The following RNF24 variants were observed in gnomAD, a reference collection of about 807,000 sequenced individuals.
The protein encoded by RNF24 is ring finger protein 24.
Under a neutral mutation model 20.0 loss-of-function variants are expected in RNF24, and 14 were observed. That is an observed-to-expected ratio of 0.70 (90% CI 0.46 to 1.10). The LOEUF (loss-of-function observed/expected upper bound fraction) is 1.10. Ranked by LOEUF, RNF24 falls within the 50% of genes least tolerant of loss-of-function variation. RNF24 has a pLI of 0.00. For missense variants in RNF24, 124 were observed against 177.6 expected (o/e 0.70, Z 1.71); for synonymous variants, 45 against 61.1 (o/e 0.74, Z 1.23).
At chr20:3,973,880 A>T (rs940515603) in intron 1 of RNF24, among the ~76,000 whole-genome samples, 1 of 152,176 alleles carries the variant, frequency 6.6e-6, no homozygotes, top group African/African-American at 2.4e-5. Context: ...ACATTTCTCA[A>T]GGCATTTTTT....
chr20:3,981,237 T>A (rs1568647677), intron 1 of RNF24, among the ~76,000 whole-genome samples: 2 of 151,954 alleles, frequency 1.3e-5, no homozygotes, highest in South Asian at 4.2e-4. Context: ...CTGATTCAAT[T>A]TCCTGCCTGG....
At chr20:3,950,766 A>C (rs188125551) in intron 2 of RNF24, among the ~76,000 whole-genome samples, 1 of 152,250 alleles carries the variant, frequency 6.6e-6, no homozygotes, top group Non-Finnish European at 1.5e-5. Context: ...TTATACAACC[A>C]TAGTACAATT....
rs560136518 is a variant in RNF24 at position 3,933,389 on chromosome 20, T to A, written c.*674A>T. On this transcript the variant is annotated 3_prime_UTR_variant, in exon 6 of 6. Coordinates refer to ENST00000358395, the MANE Select transcript of RNF24 (RefSeq NM_001134337.3). ...TGCTGGGGCTCTGGACGGGCCTTAC[T>A]GGTGCATAGGAGAGGGAAATGATAA... 2.5e-6 allele frequency: 1 copy of A among 394,348 alleles called. No individual in the cohort carries two copies. The highest frequency in any genetic ancestry group is 1.4e-4 in the South Asian group (1 of 7,000). The allele number at this position is 394,348 out of a possible 1,614,324, so 24.4% of individuals were successfully genotyped here.
At chr20:3,945,332 C>A in intron 3 of RNF24, 114 bp from the exon 4 acceptor site, 1 of 1,014,564 alleles carries the variant, frequency 9.9e-7, no homozygotes, top group South Asian at 1.7e-5. Flanking sequence ...CCCTCATATT[C>A]AATATTGAAG....
At chr20:3,995,031 C>T (rs190567621) in intron 1 of RNF24, among the ~76,000 whole-genome samples, 3 of 152,322 alleles carry the variant, frequency 2.0e-5, no homozygotes, top group East Asian at 3.9e-4. Context: ...TAGCCAGGAA[C>T]TGAGAGCAAA....
chr20:3,938,914 A>G (rs1333242348), intron 4 of RNF24, among the ~76,000 whole-genome samples: 1 of 151,324 alleles, frequency 6.6e-6, no homozygotes, highest in Non-Finnish European at 1.5e-5. Context: ...ACACCCAACT[A>G]ATTTTTTTTT....
intron 1 of RNF24, chr20:3,974,523 A>T (rs1978687238): frequency 1.0e-6 from 1 of 976,706 alleles, no homozygotes; most frequent in Admixed American, 3.7e-5. Context: ...AATCTTCAAA[A>T]AAATTTCTAA....
chr20:4,010,113 G>A (rs1256615957), intron 1 of RNF24, among the ~76,000 whole-genome samples: 2 of 151,810 alleles, frequency 1.3e-5, no homozygotes, highest in Non-Finnish European at 2.9e-5. Flanking sequence ...GGTGGCTCAT[G>A]CCTGCAATCC....
intron 2 of RNF24, among the ~76,000 whole-genome samples, chr20:3,949,702 CAT>C (rs2091060563): frequency 6.6e-6 from 1 of 151,996 alleles, no homozygotes; most frequent in Non-Finnish European, 1.5e-5. Flanking sequence ...ATAAAGTACT[CAT>C]AACAATTTTA....
In RNF24 at chr20:3,929,446, G is replaced by C. The variant is rs138373960; in HGVS notation, c.*4617C>G. On this transcript the variant is annotated 3_prime_UTR_variant, in exon 6 of 6. Transcript: ENST00000358395. ...GGGAGTAGCTCCATGAACTGACGCT[G>C]GACATTCAGGCATATCCACATGAGA... The C allele has an allele frequency of 6.6e-6, 1 of 152,264 alleles. No homozygotes were observed. 9.4% of individuals were successfully genotyped at this position (152,264 alleles called of 1,614,324 possible).
At chr20:3,950,336 C>T (rs1013090280) in intron 2 of RNF24, among the ~76,000 whole-genome samples, 2 of 152,218 alleles carry the variant, frequency 1.3e-5, no homozygotes, top group Non-Finnish European at 2.9e-5. Context: ...AGAGGATATG[C>T]AGAGACAGAC....
chr20:3,981,035 T>C (rs946984098), intron 1 of RNF24, among the ~76,000 whole-genome samples: 6 of 151,974 alleles, frequency 3.9e-5, no homozygotes, highest in Non-Finnish European at 5.9e-5. Context: ...CCTGGCCCTA[T>C]TGTCAACAGA....
intron 1 of RNF24, among the ~76,000 whole-genome samples, chr20:3,964,887 C>T (rs1341304450): frequency 6.6e-6 from 1 of 152,010 alleles, no homozygotes; most frequent in South Asian, 2.1e-4. Flanking sequence ...CATGACTGAC[C>T]CGGTATGTAC....
chr20:3,967,981 A>C (rs1330696665), intron 1 of RNF24, among the ~76,000 whole-genome samples: 1 of 149,266 alleles, frequency 6.7e-6, no homozygotes, highest in Non-Finnish European at 1.5e-5. Context: ...AACAAAAAAA[A>C]AAAAAAAAAA....
Position 3,945,233 on chromosome 20 carries a change from A to T in RNF24, c.187-15T>A. On this transcript the variant is annotated splice_polypyrimidine_tract_variant and intron_variant, in intron 3 of 5. Transcript: ENST00000358395. Reference sequence around the variant, plus strand: ...TTTAATATAACCTGTAAGACAAAAAAGTATGTTCTTATGCCCATTTAAATC... The same window carrying T: ...TTTAATATAACCTGTAAGACAAAAATGTATGTTCTTATGCCCATTTAAATC... The T allele has an allele frequency of 6.3e-7, 1 of 1,583,004 alleles. No individual in the cohort carries two copies.
intron 1 of RNF24, among the ~76,000 whole-genome samples, chr20:3,977,612 T>A (rs1446214955): frequency 6.6e-6 from 1 of 152,108 alleles, no homozygotes; most frequent in Admixed American, 6.6e-5. Context: ...ACGCCTGTAA[T>A]CCCAGGACTT....
chr20:3,999,540 A>G (rs1600713168), intron 1 of RNF24, among the ~76,000 whole-genome samples: 1 of 152,204 alleles, frequency 6.6e-6, no homozygotes, highest in Non-Finnish European at 1.5e-5. Context: ...GGATCAGCTG[A>G]GGTCAGGAGT....
intron 1 of RNF24, among the ~76,000 whole-genome samples, chr20:3,986,550 C>T (rs910165812): frequency 2.0e-5 from 3 of 152,178 alleles, no homozygotes; most frequent in African/African-American, 7.2e-5. Flanking sequence ...AGCCACCATG[C>T]CCAGCGCCTT....
chr20:3,932,889 C>G lies in RNF24; in HGVS notation c.*1174G>C. The G allele has an allele frequency of 2.5e-6, 1 of 398,550 alleles. No individual in the cohort carries two copies. Among genetic ancestry groups the G allele is most frequent in the Non-Finnish European group, 4.4e-6 (1 of 226,058 alleles). The allele number at this position is 398,550 out of a possible 1,614,324, so 24.7% of individuals were successfully genotyped here. On this transcript the variant is annotated 3_prime_UTR_variant, in exon 6 of 6. Coordinates refer to ENST00000358395, the MANE Select transcript of RNF24 (RefSeq NM_001134337.3). ...GCCAAAGAGCAGCATGCGTTTCTCT[C>G]CTATAAAGACACTTTCACTTTCAGT...
Sources: gnomAD v4.1 joint callset for allele counts (sites outside exome capture counted in the v4.1 genomes callset) on GRCh38, gnomAD v4.1.1 for gene constraint, MANE v1.5 for transcripts, NCBI Gene and HGNC (gene_info 2026-07-23, HGNC 2026-07-21) for gene names.